MTHFD1L: variants seen among roughly 807,000 people sequenced by gnomAD.
MTHFD1L encodes the protein monofunctional C1-tetrahydrofolate synthase, mitochondrial.
Under a neutral mutation model 119.5 loss-of-function variants are expected in MTHFD1L, and 81 were observed. The observed-to-expected ratio is 0.68, with a 90% confidence interval of 0.57 to 0.82. The LOEUF is 0.82. Ranked by LOEUF, MTHFD1L falls within the 40% of genes least tolerant of loss-of-function variation. The pLI is 0.00. For missense variants in MTHFD1L, 1,125 were observed against 1,253.4 expected (o/e 0.90, Z 1.55); for synonymous variants, 430 against 475.2 (o/e 0.90, Z 1.24).
intron 27 of MTHFD1L, among the ~76,000 whole-genome samples, chr6:151,094,688 C>G (rs1238318688): frequency 6.6e-6 from 1 of 152,012 alleles, no homozygotes; most frequent in Middle Eastern, 3.2e-3. Flanking sequence ...GGATTACAGG[C>G]GTCCACCACC....
chr6:150,954,277 C>G (rs893812741), intron 16 of MTHFD1L, among the ~76,000 whole-genome samples: 1 of 152,214 alleles, frequency 6.6e-6, no homozygotes, highest in Non-Finnish European at 1.5e-5. Context: ...TTATTTGAAG[C>G]TGCATAAATT....
chr6:151,061,429 CA>C (rs1181698792), intron 26 of MTHFD1L, among the ~76,000 whole-genome samples: 2 of 152,162 alleles, frequency 1.3e-5, no homozygotes, highest in Admixed American at 6.5e-5. Context: ...TCTCTCAGAA[CA>C]AAAGCAAATG....
intron 26 of MTHFD1L, among the ~76,000 whole-genome samples, chr6:151,085,770 CA>C (rs5880915): frequency 0.77 from 114,846 of 149,166 alleles, 44,198 homozygotes; most frequent in East Asian, 0.91. Context: ...GACTCTGTCT[CA>C]AAAAAAAAAA....
chr6:151,084,705 C>T (rs1793556419), intron 26 of MTHFD1L, among the ~76,000 whole-genome samples: 1 of 151,992 alleles, frequency 6.6e-6, no homozygotes, highest in South Asian at 2.1e-4. Context: ...GTGGCTCATG[C>T]CTGTAATCCC....
chr6:151,093,645 G>A (rs1794648789), intron 27 of MTHFD1L, among the ~76,000 whole-genome samples: 1 of 151,892 alleles, frequency 6.6e-6, no homozygotes. Flanking sequence ...GACAGAGCAA[G>A]ACTCTCCTTC....
chr6:150,886,548 G>T (rs1782338147), intron 6 of MTHFD1L, among the ~76,000 whole-genome samples: 1 of 151,530 alleles, frequency 6.6e-6, no homozygotes, highest in Admixed American at 6.6e-5. Flanking sequence ...CAGTAGTCAG[G>T]ACTTAATTTC....
chr6:150,949,121 A>G lies in MTHFD1L; in HGVS notation c.1714A>G (p.Thr572Ala). 1 of 1,613,818 alleles carries G rather than the reference A, an allele frequency of 6.2e-7. No homozygotes were observed. Among genetic ancestry groups the G allele is most frequent in the Non-Finnish European group, 8.5e-7 (1 of 1,179,852 alleles). Reference sequence around the variant, plus strand: ...TCTCGACATCGACCCATCTACCATCACGTGGCAGAGAGGTGGGTGCTGGGG... The same window carrying G: ...TCTCGACATCGACCCATCTACCATCGCGTGGCAGAGAGGTGGGTGCTGGGG... ...ARLDIDPSTI[T>A]WQRVLDTNDR... Residue 572 changes from threonine to alanine, a missense_variant, in exon 16 of 28, where the codon ACG becomes GCG. This residue lies in a region of MTHFD1L where 1,058 missense variants were observed against 1,151.2 expected (regional missense o/e 0.92). Coordinates refer to ENST00000367321, the MANE Select transcript of MTHFD1L (RefSeq NM_015440.5).
At chr6:150,870,563 T>C (rs1779229766) in intron 1 of MTHFD1L, among the ~76,000 whole-genome samples, 2 of 152,114 alleles carry the variant, frequency 1.3e-5, no homozygotes, top group African/African-American at 4.8e-5. Flanking sequence ...ATAAAAGTTA[T>C]GTTTAGACAA....
At position 150,898,135 on chromosome 6, in the gene MTHFD1L, C is replaced by T. The variant is rs376210211; in HGVS notation, c.781-7515C>T. 1.4e-4 allele frequency among the ~76,000 whole-genome samples: 22 copies of T among 152,326 alleles called. 1 individual carries two copies. In the East Asian group the frequency reaches 1.9e-3, roughly 13 times the overall value. On this transcript the variant is annotated intron_variant, in intron 7 of 27. Coordinates refer to ENST00000367321, the MANE Select transcript of MTHFD1L (RefSeq NM_015440.5). ...CAGGGATTACAGGCATGAGCCACCG[C>T]GCCTGGCCAGTATTAGAATCTTTTA...
chr6:151,015,431 G>C, intron 23 of MTHFD1L, 85 bp from the exon 24 acceptor site: 1 of 1,445,470 alleles, frequency 6.9e-7, no homozygotes, highest in Non-Finnish European at 9.4e-7. Context: ...GTTAGGGAGC[G>C]AAGTTCTGTA....
At chr6:150,972,237 T>C (rs1798084810) in intron 20 of MTHFD1L, among the ~76,000 whole-genome samples, 179 bp downstream of exon 20, 1 of 152,188 alleles carries the variant, frequency 6.6e-6, no homozygotes, top group Admixed American at 6.5e-5. Context: ...GAAATTATGC[T>C]TGTGCTTGAA....
chr6:150,942,864 C>T (rs1256618814), intron 13 of MTHFD1L, among the ~76,000 whole-genome samples: 1 of 152,108 alleles, frequency 6.6e-6, no homozygotes. Context: ...AAAAGAATAA[C>T]ACTTTCTCAA....
At chr6:151,036,068 A>T (rs1445348085) in intron 25 of MTHFD1L, among the ~76,000 whole-genome samples, 3 of 152,186 alleles carry the variant, frequency 2.0e-5, no homozygotes, top group African/African-American at 7.2e-5. Flanking sequence ...GCTAAGTCTT[A>T]TGAAAATTTA....
At chr6:151,083,380 TA>T (rs1304219618) in intron 26 of MTHFD1L, among the ~76,000 whole-genome samples, 4 of 152,162 alleles carry the variant, frequency 2.6e-5, no homozygotes, top group Admixed American at 1.3e-4. Flanking sequence ...GTATTTTTAG[TA>T]GAGATGGAGT....
At chr6:150,978,915 C>T (rs953440292) in intron 20 of MTHFD1L, among the ~76,000 whole-genome samples, 1 of 152,070 alleles carries the variant, frequency 6.6e-6, no homozygotes, top group African/African-American at 2.4e-5. Flanking sequence ...TTTCTCAATG[C>T]TCTTTACCTG....
intron 26 of MTHFD1L, among the ~76,000 whole-genome samples, chr6:151,078,853 C>T (rs182500008): frequency 9.9e-5 from 15 of 152,156 alleles, no homozygotes; most frequent in African/African-American, 2.7e-4. Context: ...TGGGAGTCGC[C>T]GCCACAGTGT....
rs1796981922 is a variant in MTHFD1L at position 150,964,969 on chromosome 6, G to C, written c.1945G>C (p.Gly649Arg). ...TCTAATGTTTTTCTCTCTCCTGTAG[G>C]GGGTGACAGGTGCTTTGACAGTTTT... ...SGQPVTADDL[G>R]VTGALTVLMK... Residue 649 changes from glycine to arginine, a missense_variant and splice_region_variant, in exon 19 of 28, where the codon GGG (glycine) becomes CGG (arginine). By Grantham distance (125) the Gly-to-Arg change is moderately radical (BLOSUM62 -2). This residue lies in a region of MTHFD1L where 1,058 missense variants were observed against 1,151.2 expected (regional missense o/e 0.92). Transcript: ENST00000367321. 2 of 1,613,632 alleles carry C rather than the reference G, an allele frequency of 1.2e-6. No homozygotes were observed. Among genetic ancestry groups the C allele is most frequent in the East Asian group, 4.5e-5 (2 of 44,856 alleles).
chr6:150,979,898 C>T (rs1044275071), intron 20 of MTHFD1L, among the ~76,000 whole-genome samples: 3 of 151,916 alleles, frequency 2.0e-5, no homozygotes, highest in African/African-American at 7.3e-5. Flanking sequence ...CTTTTATTGC[C>T]CTGAAATTCT....
At chr6:150,945,422 G>C in intron 14 of MTHFD1L, 45 bp from the exon 15 acceptor site, 1 of 1,515,020 alleles carries the variant, frequency 6.6e-7, no homozygotes, top group Admixed American at 1.8e-5. Context: ...CAAGTTCATG[G>C]ACAACTAACT....
Sources: gnomAD v4.1 joint callset for allele counts (sites outside exome capture counted in the v4.1 genomes callset) on GRCh38, gnomAD v4.1.1 for gene constraint, gnomAD v4.1.1 regional missense constraint, MANE v1.5 for transcripts, NCBI Gene and HGNC (gene_info 2026-07-23, HGNC 2026-07-21) for gene names.